The following OLAH variants were observed in gnomAD, a reference collection of about 807,000 sequenced individuals.
OLAH encodes the protein oleoyl-ACP hydrolase, also known as S-acyl fatty acid synthase thioesterase, medium chain.
A neutral mutation model predicts 27.8 loss-of-function variants in OLAH; 33 were observed. That is an observed-to-expected ratio of 1.19 (90% CI 0.90 to 1.59). OLAH has a LOEUF of 1.59. Ranked by LOEUF, OLAH falls within the 40% of genes most tolerant of loss-of-function variation. The pLI is 0.00. For synonymous variants in OLAH, 120 were observed against 102.9 expected (o/e 1.17, Z -1.01); for missense variants, 359 against 310.8 (o/e 1.16, Z -1.17).
chr10:15,052,281 T>TA (rs1308657867), intron 3 of OLAH, among the ~76,000 whole-genome samples: 1 of 151,944 alleles, frequency 6.6e-6, no homozygotes, highest in Non-Finnish European at 1.5e-5. Flanking sequence ...AGACTCTGCC[T>TA]AAAAAAAATA....
At chr10:15,034,891 T>A (rs2131323674) in intron 1 of OLAH, among the ~76,000 whole-genome samples, 1 of 146,340 alleles carries the variant, frequency 6.8e-6, no homozygotes, top group East Asian at 2.1e-4. Context: ...AACCTTCACC[T>A]CCCGGGTTCA....
At chr10:15,047,667 T>C (rs1230147704) in intron 2 of OLAH, among the ~76,000 whole-genome samples, 1 of 152,180 alleles carries the variant, frequency 6.6e-6, no homozygotes, top group East Asian at 1.9e-4. Flanking sequence ...ATCGCGCCAC[T>C]GCACTCCAGC....
intron 6 of OLAH, among the ~76,000 whole-genome samples, chr10:15,069,471 G>A (rs1292679970): frequency 5.9e-5 from 9 of 152,174 alleles, no homozygotes. Flanking sequence ...TCTAGTGCCA[G>A]TCCAATTGCC....
upstream of OLAH, among the ~76,000 whole-genome samples, chr10:15,041,882 C>T (rs567933656): frequency 2.2e-4 from 33 of 151,976 alleles, no homozygotes; most frequent in Non-Finnish European, 4.4e-4. Context: ...TGGCCCACAC[C>T]TTTGACCCGT....
At chr10:15,038,718 C>G (rs560206391) in intron 1 of OLAH, 2 of 152,164 alleles carry the variant, frequency 1.3e-5, no homozygotes, top group East Asian at 3.8e-4. Context: ...GTATAAATTA[C>G]CCAGTCTCGG....
intron 7 of OLAH, among the ~76,000 whole-genome samples, chr10:15,072,090 T>C (rs575478489): frequency 2.0e-5 from 3 of 152,196 alleles, no homozygotes; most frequent in East Asian, 1.9e-4. Context: ...CCGGCCACCA[T>C]ACCCGGCTAT....
At chr10:15,054,568 A>C (rs1844209380) in intron 3 of OLAH, among the ~76,000 whole-genome samples, 1 of 102,996 alleles carries the variant, frequency 9.7e-6, no homozygotes, top group African/African-American at 4.6e-5. Context: ...GAGGCTCTCC[A>C]TGTGTCCCTA....
chr10:15,073,018 A>T, intron 7 of OLAH, 69 bp from the exon 8 acceptor site: 8 of 1,456,844 alleles, frequency 5.5e-6, no homozygotes, highest in Non-Finnish European at 6.7e-6. Context: ...TCTTAAAGAA[A>T]TGATGTCTTG....
rs531557742 is a variant in OLAH at position 15,058,748 on chromosome 10, T to C, written c.164-2976T>C. ...TGCCTGAAGAAGTTCCTTTAATATT[T>C]ATTTTAGTGCAAGTCTGCTGGCATT... On this transcript the variant is annotated intron_variant, in intron 3 of 7. Coordinates refer to ENST00000378228, the MANE Select transcript of OLAH (RefSeq NM_001039702.3). Among the ~76,000 whole-genome samples, 3 of 152,330 alleles carry C rather than the reference T, an allele frequency of 2.0e-5. No individual in the cohort carries two copies. In the East Asian group the frequency reaches 5.8e-4, roughly 29 times the overall value.
intron 3 of OLAH, chr10:15,057,021 C>T: frequency 7.3e-7 from 1 of 1,366,132 alleles, no homozygotes; most frequent in Non-Finnish European, 9.5e-7. Context: ...TAGTTTGTGC[C>T]ACCTTTCTTT....
rs1482507101 is a variant in OLAH, at chr10:15,035,412, C to T, written c.-164+3062C>T. ...GCTCTGGCATCTGCTTCTAGGGAGG[C>T]CTCCAGAAGCCTTGACTCATGGGGG... On this transcript the variant is annotated intron_variant, in intron 1 of 3. Coordinates refer to the OLAH transcript ENST00000413672. Among the ~76,000 whole-genome samples the T allele has an allele frequency of 2.0e-5, 3 of 151,990 alleles. No individual in the cohort carries two copies. In the East Asian group the frequency reaches 5.8e-4, roughly 29 times the overall value.
intron 1 of OLAH, among the ~76,000 whole-genome samples, chr10:15,045,203 G>A (rs1192651899): frequency 6.6e-6 from 1 of 152,176 alleles, no homozygotes; most frequent in African/African-American, 2.4e-5. Flanking sequence ...GTGGTTAAAT[G>A]TTTAATCTTC....
chr10:15,060,449 T>G (rs1844340961), intron 3 of OLAH, among the ~76,000 whole-genome samples: 1 of 152,068 alleles, frequency 6.6e-6, no homozygotes, highest in South Asian at 2.1e-4. Context: ...GGATTACAGG[T>G]GTGAGCCACT....
intron 3 of OLAH, chr10:15,056,999 GA>G: frequency 7.1e-7 from 1 of 1,400,238 alleles, no homozygotes; most frequent in Non-Finnish European, 9.4e-7. Flanking sequence ...TTTTTGTGTT[GA>G]AAATGTCTTC....
intron 1 of OLAH, among the ~76,000 whole-genome samples, chr10:15,033,160 A>T (rs1051694677): frequency 6.6e-6 from 1 of 152,116 alleles, no homozygotes; most frequent in South Asian, 2.1e-4. Context: ...TACAGGCCTG[A>T]ACCGCTGCAG....
rs71505056 is a variant in OLAH at position 15,034,804 on chromosome 10, CT to C, written c.-164+2469del. Among the ~76,000 whole-genome samples, 111 of 83,460 alleles carry C rather than the reference CT, an allele frequency of 1.3e-3. 1 individual carries two copies. The highest frequency in any genetic ancestry group is 6.8e-3 in the Middle Eastern group (1 of 148). 54.8% of individuals were successfully genotyped at this position (83,460 alleles called of 152,430 possible). A position where few individuals can be genotyped will look rare whatever the true frequency, so the allele number is the denominator to read the frequency against. ...TTTTCATTTTTTCTTTTCTTTCTTT[CT>C]TTTTTTTTTTTTTTGAGACGGGTCT... On this transcript the variant is annotated intron_variant, in intron 1 of 3. Transcript: ENST00000413672.
Position 15,047,301 on chromosome 10 carries a change from G to A in OLAH, c.13G>A (p.Asp5Asn), listed in dbSNP as rs547360775. The change falls in exon 2 of 8, where the codon GAC becomes AAC. Residue 5 changes from aspartate to asparagine, a missense_variant. Coordinates refer to ENST00000378228, the MANE Select transcript of OLAH (RefSeq NM_001039702.3). MERG[D>N]QPKRTRNENI... ...CTCACCTCACAGCATGGAGAGAGGAGACCAACCTAAGAGAACCAGGCAGGC... is the reference window on the plus strand; with the variant it reads ...CTCACCTCACAGCATGGAGAGAGGAAACCAACCTAAGAGAACCAGGCAGGC... The A allele has an allele frequency of 1.2e-6, 2 of 1,613,618 alleles. No individual in the cohort carries two copies. Among genetic ancestry groups the A allele is most frequent in the Non-Finnish European group, 8.5e-7 (1 of 1,179,836 alleles).
intron 3 of OLAH, among the ~76,000 whole-genome samples, chr10:15,051,621 C>T (rs973451762): frequency 3.3e-5 from 5 of 152,226 alleles, no homozygotes; most frequent in African/African-American, 9.6e-5. Flanking sequence ...AATCAATGAA[C>T]TTACTGTATT....
upstream of OLAH, among the ~76,000 whole-genome samples, chr10:15,042,728 T>G (rs77453508): frequency 8.2e-3 from 1,243 of 152,238 alleles, 11 homozygotes; most frequent in African/African-American, 0.026. Flanking sequence ...AACCCAAGCC[T>G]TCTTTTCATC....
Sources: allele counts gnomAD v4.1 joint callset (sites outside exome capture counted in the v4.1 genomes callset), GRCh38; gene constraint gnomAD v4.1.1; transcripts MANE v1.5; gene names NCBI Gene and HGNC (gene_info 2026-07-23, HGNC 2026-07-21).